The following CLSTN2 variants were observed in gnomAD, a reference collection of about 807,000 sequenced individuals.
CLSTN2 encodes calsyntenin-2.
A neutral mutation model predicts 101.2 loss-of-function variants in CLSTN2; 48 were observed. That is an observed-to-expected ratio of 0.47 (90% CI 0.38 to 0.60). CLSTN2 has a LOEUF of 0.60. CLSTN2 is among the 20% of genes least tolerant of loss of function. The pLI is 0.00. For missense variants in CLSTN2, 1,160 were observed against 1,238.2 expected, an observed-to-expected ratio of 0.94 and a Z score of 0.95; for synonymous variants, 481 against 463.6, an observed-to-expected ratio of 1.04 and a Z score of -0.48.
intron 1 of CLSTN2, among the ~76,000 whole-genome samples, chr3:140,053,056 G>A (rs9838888): frequency 0.2 from 30,120 of 152,042 alleles, 3,075 homozygotes; most frequent in Non-Finnish European, 0.22. Flanking sequence ...GATGGCGCTG[G>A]CAGTCAGGCC....
intron 2 of CLSTN2, among the ~76,000 whole-genome samples, chr3:140,370,344 C>T (rs1232807988): frequency 6.6e-6 from 1 of 152,222 alleles, no homozygotes; most frequent in Non-Finnish European, 1.5e-5. Context: ...GAAGTACAGT[C>T]CAGGATGGAA....
intron 1 of CLSTN2, among the ~76,000 whole-genome samples, chr3:140,048,421 A>G (rs956667135): frequency 6.6e-6 from 1 of 152,194 alleles, no homozygotes; most frequent in Non-Finnish European, 1.5e-5. Context: ...CTGCCTACAT[A>G]CTGAATGACT....
chr3:140,325,452 A>T (rs2087322931), intron 2 of CLSTN2, among the ~76,000 whole-genome samples: 1 of 152,204 alleles, frequency 6.6e-6, no homozygotes, highest in Admixed American at 6.5e-5. Flanking sequence ...TCCTTCCCCA[A>T]ACACCTTGCC....
chr3:140,382,423 C>A (rs1349801808), intron 2 of CLSTN2, among the ~76,000 whole-genome samples: 1 of 152,200 alleles, frequency 6.6e-6, no homozygotes, highest in Non-Finnish European at 1.5e-5. Context: ...GAAGGCTGAT[C>A]ATCCAGGGAA....
At chr3:140,289,955 G>A (rs1301953712) in intron 2 of CLSTN2, among the ~76,000 whole-genome samples, 1 of 150,674 alleles carries the variant, frequency 6.6e-6, no homozygotes, top group Non-Finnish European at 1.5e-5. Context: ...CAGGGCTTAT[G>A]TGGCATGTAA....
intron 1 of CLSTN2, among the ~76,000 whole-genome samples, chr3:139,961,107 G>C (rs1189633042): frequency 1.3e-5 from 2 of 152,088 alleles, no homozygotes; most frequent in Non-Finnish European, 2.9e-5. Flanking sequence ...TGACTCCAGA[G>C]TACCAGTACT....
chr3:140,487,597 T>C (rs1046905491), intron 8 of CLSTN2, among the ~76,000 whole-genome samples: 1 of 152,242 alleles, frequency 6.6e-6, no homozygotes, highest in African/African-American at 2.4e-5. Context: ...CTGTCTTCTC[T>C]TCAGCAAGCA....
chr3:140,218,377 G>A (rs2107851099), intron 2 of CLSTN2, among the ~76,000 whole-genome samples: 1 of 152,216 alleles, frequency 6.6e-6, no homozygotes, highest in African/African-American at 2.4e-5. Flanking sequence ...CCATAATCCA[G>A]GCACTAAAAA....
intron 5 of CLSTN2, among the ~76,000 whole-genome samples, chr3:140,434,093 G>C (rs1035324523): frequency 3.3e-5 from 5 of 152,138 alleles, no homozygotes; most frequent in African/African-American, 1.2e-4. Flanking sequence ...GCCATACTTG[G>C]ATTCTCATAA....
intron 1 of CLSTN2, among the ~76,000 whole-genome samples, chr3:140,140,168 G>A (rs982941759): frequency 1.3e-5 from 2 of 152,292 alleles, no homozygotes; most frequent in African/African-American, 2.4e-5. Context: ...AGGGGCCACC[G>A]TTTGAGAACC....
chr3:140,200,654 A>G (rs1489185437), intron 2 of CLSTN2, among the ~76,000 whole-genome samples: 29 of 152,226 alleles, frequency 1.9e-4, no homozygotes, highest in Non-Finnish European at 1.5e-5. Context: ...CTAAGGCACT[A>G]GAGTTTTTCC....
chr3:140,448,573 C>T lies in CLSTN2; in HGVS notation c.842C>T (p.Pro281Leu), dbSNP rs1407996073. Residue 281 changes from proline to leucine, a missense_variant, in exon 6 of 17, where the codon CCC becomes CTC. By Grantham distance (98) the Pro-to-Leu change is moderately conservative. Transcript: ENST00000458420. ...GGCTCCGGGAGCATGCCCCTGTTCC[C>T]CAGCATCCACCTGGAGACGTGCGAT... ...QPGSGSMPLF[P>L]SIHLETCDGA... 20 of 1,614,076 alleles carry T rather than the reference C, an allele frequency of 1.2e-5. No homozygotes were observed. The highest frequency in any genetic ancestry group is 1.7e-5 in the Non-Finnish European group (20 of 1,180,002).
At chr3:139,937,841 C>G (rs1400706344) in intron 1 of CLSTN2, among the ~76,000 whole-genome samples, 1 of 151,980 alleles carries the variant, frequency 6.6e-6, no homozygotes, top group Non-Finnish European at 1.5e-5. Context: ...CCGAATTCCC[C>G]TTGTTCTCGC....
intron 1 of CLSTN2, among the ~76,000 whole-genome samples, chr3:140,137,463 C>T (rs986440741): frequency 1.3e-5 from 2 of 152,222 alleles, no homozygotes; most frequent in Non-Finnish European, 1.5e-5. Flanking sequence ...CCATAGTTCT[C>T]GCTCTGTGCT....
chr3:140,442,790 A>T (rs1219608577), intron 5 of CLSTN2, among the ~76,000 whole-genome samples: 3 of 152,086 alleles, frequency 2.0e-5, no homozygotes, highest in African/African-American at 7.2e-5. Flanking sequence ...CCTGGGATTA[A>T]ATCCAAACCT....
intron 2 of CLSTN2, among the ~76,000 whole-genome samples, chr3:140,323,409 G>T (rs1221246269): frequency 6.6e-6 from 1 of 152,210 alleles, no homozygotes; most frequent in Non-Finnish European, 1.5e-5. Flanking sequence ...ATTTTATAAA[G>T]CAGTAAGCTC....
At position 140,566,086 on chromosome 3, in the gene CLSTN2, A is replaced by G; in HGVS notation, c.2701A>G (p.Thr901Ala). ...AGGACCAGGGCATGGGGAAGATGAG[A>G]CTGAGGGAGAAGAGGAGGAAGAAGC... The part of the protein sequence containing the change: ...HEGPGHGEDE[T>A]EGEEEEEAEE... Residue 901 changes from threonine (T) to alanine (A), a missense_variant, in exon 17 of 17, where the codon ACT becomes GCT. Transcript: ENST00000458420. 6.2e-7 allele frequency: 1 copy of G among 1,613,496 alleles called. No individual in the cohort carries two copies.
intron 1 of CLSTN2, among the ~76,000 whole-genome samples, chr3:140,001,083 C>T (rs867821438): frequency 1.7e-4 from 26 of 152,080 alleles, no homozygotes; most frequent in African/African-American, 5.6e-4. Context: ...ATTGTACATG[C>T]GGAAATTGAA....
chr3:140,373,775 C>G (rs1193030091), intron 2 of CLSTN2, among the ~76,000 whole-genome samples: 1 of 152,160 alleles, frequency 6.6e-6, no homozygotes. Context: ...CTTTGGAGAG[C>G]AAGGTGAAGC....
Sources: gnomAD v4.1 joint callset for allele counts (sites outside exome capture counted in the v4.1 genomes callset) on GRCh38, gnomAD v4.1.1 for gene constraint, MANE v1.5 for transcripts, NCBI Gene and HGNC (gene_info 2026-07-23, HGNC 2026-07-21) for gene names.